Variants in PDIA5 observed in about 807,000 individuals in gnomAD.
The protein encoded by PDIA5 is protein disulfide isomerase family A member 5.
Under a neutral mutation model 77.6 loss-of-function variants are expected in PDIA5, and 58 were observed. The ratio of observed to expected loss-of-function variants is 0.75; its 90% CI spans 0.61 to 0.93. The LOEUF (loss-of-function observed/expected upper bound fraction) is 0.93. Ranked by LOEUF, PDIA5 falls within the 40% of genes least tolerant of loss-of-function variation. The pLI is 0.00. For missense variants in PDIA5, 630 were observed against 647.7 expected, an observed-to-expected ratio of 0.97 and a Z score of 0.30; for synonymous variants, 250 against 252.1, an observed-to-expected ratio of 0.99 and a Z score of 0.08.
chr3:123,086,606 A>G (rs751339977), intron 1 of PDIA5, among the ~76,000 whole-genome samples: 1 of 152,160 alleles, frequency 6.6e-6, no homozygotes, highest in Non-Finnish European at 1.5e-5. Flanking sequence ...TTTATTGACC[A>G]TGTTCCTCCA....
At chr3:123,137,524 A>G (rs1413782761) in intron 11 of PDIA5, among the ~76,000 whole-genome samples, 1 of 152,160 alleles carries the variant, frequency 6.6e-6, no homozygotes, top group Non-Finnish European at 1.5e-5. Context: ...TAGCTGAGTA[A>G]TAGCTATTAT....
At chr3:123,102,638 A>T (rs1038985500) in intron 4 of PDIA5, 113 bp from the exon 5 acceptor site, 212 of 1,118,954 alleles carry the variant, frequency 1.9e-4, no homozygotes, top group Non-Finnish European at 2.7e-4. Context: ...TTTTAAAAAA[A>T]AATCCTGAAC....
chr3:123,122,166 A>G (rs1935135283), intron 8 of PDIA5, among the ~76,000 whole-genome samples: 1 of 152,232 alleles, frequency 6.6e-6, no homozygotes, highest in South Asian at 2.1e-4. Context: ...ATTTTAGCCT[A>G]TATTCAATGG....
chr3:123,095,063 G>C (rs1470368763), intron 3 of PDIA5, among the ~76,000 whole-genome samples: 1 of 152,186 alleles, frequency 6.6e-6, no homozygotes, highest in Non-Finnish European at 1.5e-5. Context: ...GGGGGCCCGG[G>C]CTGACTGCTA....
intron 8 of PDIA5, among the ~76,000 whole-genome samples, chr3:123,122,979 A>G (rs1935154466): frequency 6.6e-6 from 1 of 152,240 alleles, no homozygotes; most frequent in South Asian, 2.1e-4. Flanking sequence ...TGGTAAGAAC[A>G]GATTCAAAGT....
intron 11 of PDIA5, among the ~76,000 whole-genome samples, chr3:123,134,632 C>T (rs1935448259): frequency 6.6e-6 from 1 of 152,230 alleles, no homozygotes; most frequent in Admixed American, 6.5e-5. Flanking sequence ...TTCCCTCTCT[C>T]TCCCAGCAAG....
chr3:123,107,195 G>A (rs1269984406), intron 6 of PDIA5, among the ~76,000 whole-genome samples: 1 of 151,802 alleles, frequency 6.6e-6, no homozygotes, highest in African/African-American at 2.4e-5. Context: ...TTTTGTTTTT[G>A]TTTTGTTTTT....
intron 14 of PDIA5, among the ~76,000 whole-genome samples, chr3:123,151,851 TC>T (rs1306147037): frequency 1.5e-5 from 2 of 130,418 alleles, no homozygotes; most frequent in Non-Finnish European, 3.2e-5. Flanking sequence ...CTGCCTTCCT[TC>T]CTGCCCTCCT....
intron 13 of PDIA5, among the ~76,000 whole-genome samples, chr3:123,149,110 A>C (rs1403746773): frequency 6.6e-6 from 1 of 152,220 alleles, no homozygotes; most frequent in Non-Finnish European, 1.5e-5. Flanking sequence ...GGCCCGTCTT[A>C]GTCACCAGCA....
chr3:123,128,221 A>G (rs934172499), intron 10 of PDIA5, among the ~76,000 whole-genome samples: 1 of 152,238 alleles, frequency 6.6e-6, no homozygotes, highest in Admixed American at 6.5e-5. Flanking sequence ...TGGGCCCTTC[A>G]GAGCCTTGTC....
At chr3:123,130,717 G>A in intron 11 of PDIA5, 101 bp downstream of exon 11, 2 of 1,363,716 alleles carry the variant, frequency 1.5e-6, no homozygotes, top group African/African-American at 2.8e-5. Flanking sequence ...CTTATTTTTT[G>A]GATGCCAGGA....
chr3:123,123,982 G>A (rs566921396), intron 8 of PDIA5, 84 bp from the exon 9 acceptor site: 2 of 856,016 alleles, frequency 2.3e-6, no homozygotes, highest in South Asian at 1.4e-5. Context: ...TTTCTGGTGG[G>A]ACAGCAGCTG....
At chr3:123,161,709 G>A in intron 16 of PDIA5, 171 bp from the exon 17 acceptor site, 3 of 665,266 alleles carry the variant, frequency 4.5e-6, no homozygotes, top group Non-Finnish European at 7.8e-6. Flanking sequence ...TCACTTGCTG[G>A]TCGGGGCTGG....
chr3:123,092,821 G>C (rs1423304572), intron 3 of PDIA5, among the ~76,000 whole-genome samples: 2 of 152,054 alleles, frequency 1.3e-5, no homozygotes, highest in Non-Finnish European at 2.9e-5. Context: ...GTTTGCCTGT[G>C]GTGGGTCTGC....
At chr3:123,127,145 C>T (rs1402665114) in intron 10 of PDIA5, among the ~76,000 whole-genome samples, 1 of 152,212 alleles carries the variant, frequency 6.6e-6, no homozygotes, top group Non-Finnish European at 1.5e-5. Flanking sequence ...GTTGCATCTT[C>T]TCATCTATGG....
chr3:123,071,422 C>G (rs895706305), intron 1 of PDIA5, among the ~76,000 whole-genome samples: 1 of 152,148 alleles, frequency 6.6e-6, no homozygotes, highest in Non-Finnish European at 1.5e-5. Flanking sequence ...ATGTTTGTTC[C>G]TGGCATCTCC....
intron 1 of PDIA5, among the ~76,000 whole-genome samples, chr3:123,081,795 T>C (rs1175097525): frequency 6.6e-6 from 1 of 152,182 alleles, no homozygotes; most frequent in Non-Finnish European, 1.5e-5. Context: ...AATGCGAGGG[T>C]GCTGGCACGC....
At chr3:123,154,543 C>T (rs533578930) in intron 14 of PDIA5, among the ~76,000 whole-genome samples, 12 of 152,106 alleles carry the variant, frequency 7.9e-5, no homozygotes, top group South Asian at 4.1e-4. Flanking sequence ...CATTTCCCAA[C>T]GCCACTTCCT....
intron 1 of PDIA5, among the ~76,000 whole-genome samples, chr3:123,068,753 C>T (rs954710992): frequency 3.3e-5 from 5 of 152,256 alleles, no homozygotes; most frequent in African/African-American, 1.2e-4. Flanking sequence ...GAGCAAAACA[C>T]ACATTGTACC....
Sources: gnomAD v4.1 joint callset for allele counts (sites outside exome capture counted in the v4.1 genomes callset) on GRCh38, gnomAD v4.1.1 for gene constraint, MANE v1.5 for transcripts, NCBI Gene and HGNC (gene_info 2026-07-23, HGNC 2026-07-21) for gene names.